Variants in CDKAL1 observed in about 807,000 individuals in gnomAD.
The protein encoded by CDKAL1 is threonylcarbamoyladenosine tRNA methylthiotransferase.
Under a neutral mutation model 68.2 loss-of-function variants are expected in CDKAL1, and 32 were observed. The ratio of observed to expected loss-of-function variants is 0.47; its 90% CI spans 0.35 to 0.63. The LOEUF (loss-of-function observed/expected upper bound fraction) is 0.63. Ranked by LOEUF, CDKAL1 falls within the 30% of genes least tolerant of loss-of-function variation. The pLI is 0.00. For missense variants in CDKAL1, 606 were observed against 696.7 expected (o/e 0.87, Z 1.47); for synonymous variants, 234 against 244.3 (o/e 0.96, Z 0.39).
chr6:21,148,670 C>T (rs1776283343), intron 13 of CDKAL1, among the ~76,000 whole-genome samples: 1 of 151,788 alleles, frequency 6.6e-6, no homozygotes, highest in African/African-American at 2.4e-5. Flanking sequence ...TTAAAAAACA[C>T]TGATTATGTT....
chr6:20,763,689 A>C (rs1774568891), intron 7 of CDKAL1, among the ~76,000 whole-genome samples: 1 of 152,178 alleles, frequency 6.6e-6, no homozygotes, highest in African/African-American at 2.4e-5. Context: ...ATGTTACACC[A>C]AGTAGTATTT....
intron 9 of CDKAL1, among the ~76,000 whole-genome samples, chr6:20,916,305 C>T (rs1055791951): frequency 2.6e-5 from 4 of 152,066 alleles, no homozygotes; most frequent in Admixed American, 2.6e-4. Flanking sequence ...ATTCGGGGAA[C>T]CTGGGTGAAG....
At chr6:20,646,848 ATTC>A (rs1664153888) in intron 4 of CDKAL1, among the ~76,000 whole-genome samples, 2 of 152,064 alleles carry the variant, frequency 1.3e-5, no homozygotes, top group African/African-American at 4.8e-5. Flanking sequence ...AGTTCAAGCA[ATTC>A]TTCTGCCTCA....
intron 10 of CDKAL1, among the ~76,000 whole-genome samples, chr6:20,984,227 G>T (rs764520930): frequency 1.5e-4 from 23 of 152,188 alleles, no homozygotes; most frequent in Non-Finnish European, 2.6e-4. Context: ...AGGAACTAGA[G>T]TGCACAGGCA....
chr6:20,665,885 G>A (rs929534463), intron 5 of CDKAL1, among the ~76,000 whole-genome samples: 1 of 152,030 alleles, frequency 6.6e-6, no homozygotes, highest in Non-Finnish European at 1.5e-5. Context: ...TCTCTGTACA[G>A]CATAGATCTG....
chr6:20,673,954 TTA>T (rs1431624696), intron 5 of CDKAL1, among the ~76,000 whole-genome samples: 1 of 152,206 alleles, frequency 6.6e-6, no homozygotes, highest in African/African-American at 2.4e-5. Flanking sequence ...AGTTATTCCT[TTA>T]TGTTTTATGT....
At chr6:21,016,828 C>A (rs1768367080) in intron 11 of CDKAL1, among the ~76,000 whole-genome samples, 1 of 152,204 alleles carries the variant, frequency 6.6e-6, no homozygotes. Context: ...TGCCCACCAT[C>A]ACTGCCTCTT....
At chr6:21,107,940 C>T (rs1773930681) in intron 12 of CDKAL1, among the ~76,000 whole-genome samples, 1 of 152,168 alleles carries the variant, frequency 6.6e-6, no homozygotes, top group Admixed American at 6.5e-5. Context: ...CTGCAAGCTC[C>T]AGCAGACAGA....
chr6:20,561,058 T>G (rs868050483), intron 4 of CDKAL1, among the ~76,000 whole-genome samples: 10 of 152,252 alleles, frequency 6.6e-5, no homozygotes, highest in East Asian at 3.9e-4. Context: ...TTTAACTGGT[T>G]TACATTTTCT....
chr6:20,676,511 C>CA (rs1198403719), intron 5 of CDKAL1, among the ~76,000 whole-genome samples: 1 of 151,808 alleles, frequency 6.6e-6, no homozygotes, highest in African/African-American at 2.4e-5. Context: ...ACTAAAAATA[C>CA]AAAAAGTTAG....
intron 2 of CDKAL1, among the ~76,000 whole-genome samples, chr6:20,537,619 A>G (rs921414476): frequency 6.6e-6 from 1 of 151,594 alleles, no homozygotes; most frequent in Non-Finnish European, 1.5e-5. Flanking sequence ...AATTACAAAA[A>G]AAAAAAAAAA....
intron 12 of CDKAL1, among the ~76,000 whole-genome samples, chr6:21,098,965 G>C (rs1773451527): frequency 6.6e-6 from 1 of 152,152 alleles, no homozygotes; most frequent in Non-Finnish European, 1.5e-5. Context: ...CTAAATAGAA[G>C]AGTGCCATTA....
rs1562083534 is a variant in CDKAL1, at chr6:21,162,817, G to C, written c.1300-35204G>C. ...GTGGCATGTGTCTGTAGTCCCAGCT[G>C]CTCAGGAGGCTGAGGTGGGAGGATC... On this transcript the variant is annotated intron_variant, in intron 13 of 15. Transcript: ENST00000274695. Among the ~76,000 whole-genome samples, 4 of 151,936 alleles carry C rather than the reference G, an allele frequency of 2.6e-5. No individual in the cohort carries two copies. The South Asian group carries it at 8.3e-4, about 32-fold the overall frequency.
At chr6:20,636,825 T>A (rs923931634) in intron 4 of CDKAL1, among the ~76,000 whole-genome samples, 1 of 151,888 alleles carries the variant, frequency 6.6e-6, no homozygotes, top group African/African-American at 2.4e-5. Flanking sequence ...TCATCTGAGG[T>A]CAGGAGTTCG....
intron 12 of CDKAL1, among the ~76,000 whole-genome samples, chr6:21,103,811 G>A (rs1364847655): frequency 6.6e-6 from 1 of 152,172 alleles, no homozygotes; most frequent in Non-Finnish European, 1.5e-5. Flanking sequence ...TGCTTGGAGA[G>A]CTAACAGGTG....
At chr6:21,135,616 C>A in intron 13 of CDKAL1, 1 of 839,908 alleles carries the variant, frequency 1.2e-6, no homozygotes, top group Non-Finnish European at 1.4e-6. Context: ...TACATAATTA[C>A]AACATAATTT....
rs555073960 is a variant in CDKAL1 at position 20,685,546 on chromosome 6, G to A, written c.371+36169G>A. 3.3e-5 allele frequency among the ~76,000 whole-genome samples: 5 copies of A among 152,190 alleles called. No individual in the cohort carries two copies. The East Asian group carries it at 7.7e-4, about 23-fold the overall frequency. On this transcript the variant is annotated intron_variant, in intron 5 of 15. Transcript: ENST00000274695. ...GTTGATATCCACAAAATAACTTGCT[G>A]GGATTTTGATAGGGATTGCATTGAA...
At chr6:20,799,040 GTTTTTTTTTTT>G (rs754008816) in intron 8 of CDKAL1, among the ~76,000 whole-genome samples, 82 of 47,510 alleles carry the variant, frequency 1.7e-3, no homozygotes, top group Admixed American at 3.7e-3. Context: ...AAAGAACTGA[GTTTTTTTTTTT>G]TTTTTTTTTT....
chr6:21,009,690 G>A (rs1416295977), intron 11 of CDKAL1, among the ~76,000 whole-genome samples: 1 of 152,196 alleles, frequency 6.6e-6, no homozygotes, highest in East Asian at 1.9e-4. Flanking sequence ...TTTTGTCGTG[G>A]CAGCAACATG....
Sources: allele counts gnomAD v4.1 joint callset (sites outside exome capture counted in the v4.1 genomes callset), GRCh38; gene constraint gnomAD v4.1.1; transcripts MANE v1.5; gene names NCBI Gene and HGNC (gene_info 2026-07-23, HGNC 2026-07-21).